Variants in DNAH7 observed in about 807,000 individuals in gnomAD.
The protein encoded by DNAH7 is axonemal beta dynein heavy chain 7.
Under a neutral mutation model 444.6 loss-of-function variants are expected in DNAH7, and 397 were observed. The observed-to-expected ratio is 0.89, with a 90% CI of 0.82 to 0.97. The LOEUF (loss-of-function observed/expected upper bound fraction) is 0.97. Ranked by LOEUF, DNAH7 falls within the 50% of genes least tolerant of loss-of-function variation. The probability of loss-of-function intolerance (pLI) is 0.00; values close to 1 mark genes in which losing one functional copy is unlikely to be tolerated. For missense variants in DNAH7, 4,902 were observed against 4,800.8 expected, an observed-to-expected ratio of 1.02 and a Z score of -0.62; for synonymous variants, 1,636 against 1,624.4, an observed-to-expected ratio of 1.01 and a Z score of -0.17.
At chr2:195,771,613 G>T in intron 61 of DNAH7, 47 bp downstream of exon 61, 1 of 1,346,448 alleles carries the variant, frequency 7.4e-7, no homozygotes, top group Non-Finnish European at 1.1e-6. Flanking sequence ...ATAAATGAAT[G>T]CTATATATAA....
chr2:195,891,983 A>T (rs1702038876), intron 30 of DNAH7, among the ~76,000 whole-genome samples, 179 bp from the exon 31 acceptor site: 1 of 152,332 alleles, frequency 6.6e-6, no homozygotes, highest in Non-Finnish European at 1.5e-5. Flanking sequence ...ATCTATATGC[A>T]ATGCTAATTA....
chr2:195,776,113 G>A, intron 59 of DNAH7, 130 bp from the exon 60 acceptor site: 1 of 1,171,346 alleles, frequency 8.5e-7, no homozygotes, highest in Non-Finnish European at 1.2e-6. Context: ...GACATTGAGT[G>A]CTTTCACTTT....
chr2:195,965,420 A>C (rs893105950), intron 17 of DNAH7, among the ~76,000 whole-genome samples: 2 of 152,120 alleles, frequency 1.3e-5, no homozygotes, highest in African/African-American at 4.8e-5. Flanking sequence ...ATATTGGCCT[A>C]AAGTTTTCTT....
chr2:196,050,087 C>A (rs1697373520), intron 3 of DNAH7, among the ~76,000 whole-genome samples: 1 of 152,220 alleles, frequency 6.6e-6, no homozygotes, highest in South Asian at 2.1e-4. Context: ...CTAAGCGAAA[C>A]TGTCCTTCAT....
intron 33 of DNAH7, among the ~76,000 whole-genome samples, 193 bp downstream of exon 33, chr2:195,888,065 G>C (rs1701805911): frequency 6.6e-6 from 1 of 152,060 alleles, no homozygotes; most frequent in South Asian, 2.1e-4. Context: ...AGAGAAAAGA[G>C]TAGCACCAAT....
At chr2:195,821,770 C>A (rs1697484141) in intron 49 of DNAH7, among the ~76,000 whole-genome samples, 1 of 152,154 alleles carries the variant, frequency 6.6e-6, no homozygotes, top group Non-Finnish European at 1.5e-5. Flanking sequence ...GTTGCTTTAG[C>A]CTCCACATCT....
intron 17 of DNAH7, among the ~76,000 whole-genome samples, chr2:195,964,149 A>C (rs1053208915): frequency 6.6e-6 from 1 of 152,200 alleles, no homozygotes; most frequent in Non-Finnish European, 1.5e-5. Flanking sequence ...GAGACAAAAA[A>C]AATTTAGGAG....
Position 195,972,032 on chromosome 2 carries a change from A to G in DNAH7, c.2058+210T>C, listed in dbSNP as rs1209338698. ...TCAAGAAATGACTGCATATTGATCAATATACTACTGACTCCTTAATCATCC... is the reference window on the plus strand; with the variant it reads ...TCAAGAAATGACTGCATATTGATCAGTATACTACTGACTCCTTAATCATCC... On this transcript the variant is annotated intron_variant, in intron 16 of 64. Transcript: ENST00000312428. Among the ~76,000 whole-genome samples the G allele has an allele frequency of 2.0e-5, 3 of 152,162 alleles. No individual in the cohort carries two copies. In the East Asian group the frequency reaches 5.8e-4, roughly 29 times the overall value.
intron 24 of DNAH7, among the ~76,000 whole-genome samples, chr2:195,918,135 C>G (rs1687800893): frequency 6.6e-6 from 1 of 152,148 alleles, no homozygotes; most frequent in Non-Finnish European, 1.5e-5. Context: ...AAGATCTGAA[C>G]AAACACCTCA....
At chr2:195,902,767 TCCA>T (rs1259143518) in intron 27 of DNAH7, 7 of 152,140 alleles carry the variant, frequency 4.6e-5, no homozygotes, top group African/African-American at 9.7e-5. Flanking sequence ...TTAGGAGTCC[TCCA>T]CCAACGATTG....
intron 19 of DNAH7, among the ~76,000 whole-genome samples, chr2:195,955,823 C>G (rs555031373): frequency 5.3e-5 from 8 of 152,244 alleles, no homozygotes; most frequent in African/African-American, 1.9e-4. Context: ...TCTCCTTCAT[C>G]ACCTTCTAAA....
At chr2:195,917,703 A>T (rs1687773809) in intron 24 of DNAH7, among the ~76,000 whole-genome samples, 1 of 152,230 alleles carries the variant, frequency 6.6e-6, no homozygotes, top group Non-Finnish European at 1.5e-5. Context: ...CTTTGCCACC[A>T]GTAACATGGT....
chr2:196,001,412 T>C (rs1400011355), intron 11 of DNAH7, among the ~76,000 whole-genome samples: 2 of 151,570 alleles, frequency 1.3e-5, no homozygotes, highest in Non-Finnish European at 2.9e-5. Flanking sequence ...TTGTCCAGGC[T>C]GGAGTGCAAT....
chr2:195,743,111 C>A (rs1693144682), intron 63 of DNAH7, among the ~76,000 whole-genome samples: 1 of 152,342 alleles, frequency 6.6e-6, no homozygotes, highest in East Asian at 1.9e-4. Context: ...ATGCTTCCCA[C>A]CCTTAAACAT....
At chr2:195,744,648 G>C (rs1693272194) in intron 63 of DNAH7, among the ~76,000 whole-genome samples, 1 of 152,144 alleles carries the variant, frequency 6.6e-6, no homozygotes, top group Non-Finnish European at 1.5e-5. Flanking sequence ...GTACTCCTCT[G>C]AGACAAAACT....
At chr2:195,768,013 GTT>G (rs1694665481) in intron 61 of DNAH7, among the ~76,000 whole-genome samples, 1 of 151,446 alleles carries the variant, frequency 6.6e-6, no homozygotes, top group South Asian at 2.1e-4. Flanking sequence ...TTACATTTAG[GTT>G]TTTATTCTTA....
chr2:195,838,211 A>T (rs1335687081), intron 47 of DNAH7, among the ~76,000 whole-genome samples: 1 of 152,126 alleles, frequency 6.6e-6, no homozygotes, highest in Non-Finnish European at 1.5e-5. Flanking sequence ...TCTAAACTTA[A>T]CTGAGTTATT....
chr2:196,020,566 C>A (rs1695313029), intron 8 of DNAH7, among the ~76,000 whole-genome samples: 2 of 148,874 alleles, frequency 1.3e-5, no homozygotes, highest in Admixed American at 6.7e-5. Context: ...GGGTACATAA[C>A]TTTTTTTGTG....
chr2:195,817,000 G>A (rs777398820), intron 50 of DNAH7, 37 bp from the exon 51 acceptor site: 66 of 1,460,700 alleles, frequency 4.5e-5, no homozygotes, highest in Admixed American at 2.1e-4. Flanking sequence ...AGAAAAAGAA[G>A]TCATTTAAAA....
Sources: gnomAD v4.1 joint callset for allele counts (sites outside exome capture counted in the v4.1 genomes callset) on GRCh38, gnomAD v4.1.1 for gene constraint, MANE v1.5 for transcripts, NCBI Gene and HGNC (gene_info 2026-07-23, HGNC 2026-07-21) for gene names.